Variants in MRPL42 observed in about 807,000 individuals in gnomAD.
MRPL42 encodes mitochondrial ribosomal protein L42, also known as large ribosomal subunit protein mL42.
Under a neutral mutation model 17.9 loss-of-function variants are expected in MRPL42, and 17 were observed. The ratio of observed to expected loss-of-function variants is 0.95; its 90% confidence interval spans 0.65 to 1.42. The LOEUF (loss-of-function observed/expected upper bound fraction) is 1.42. MRPL42 is among the 40% of genes most tolerant of loss of function. The pLI is 0.00. For missense variants in MRPL42, 177 were observed against 175.2 expected (o/e 1.01, Z -0.06); for synonymous variants, 59 against 54.4 (o/e 1.08, Z -0.37).
chr12:93,477,051 T>G, intron 3 of MRPL42, 34 bp downstream of exon 3: 1 of 1,398,086 alleles, frequency 7.2e-7, no homozygotes, highest in Non-Finnish European at 1.0e-6. Flanking sequence ...GAAATAATAG[T>G]CTTAGCTATA....
rs1479073131 is a variant in MRPL42, at chr12:93,503,973, TTTTTTA to T, written c.*2758_*2763del. On this transcript the variant is annotated 3_prime_UTR_variant, in exon 6 of 6. Coordinates refer to ENST00000549982, the MANE Select transcript of MRPL42 (RefSeq NM_014050.4). ...TCCTGGTGGATTATTACCATTTTCT[TTTTTTA>T]TTTTTTTTTTAAATTTATTTCTTCT... is the stretch of plus-strand genomic sequence containing the variant. 2 of 146,052 alleles carry T rather than the reference TTTTTTA, an allele frequency of 1.4e-5. No homozygotes were observed. The highest frequency in any genetic ancestry group is 3.0e-5 in the Non-Finnish European group (2 of 66,994). 9.0% of individuals were successfully genotyped at this position (146,052 alleles called of 1,614,324 possible). A position where few individuals can be genotyped will look rare whatever the true frequency, so the allele number is the denominator to read the frequency against.
intron 5 of MRPL42, among the ~76,000 whole-genome samples, chr12:93,495,045 C>T (rs1361667073): frequency 6.6e-6 from 1 of 152,082 alleles, no homozygotes; most frequent in East Asian, 1.9e-4. Context: ...AGGAGCCTGG[C>T]CTCTGTGATC....
Position 93,484,987 on chromosome 12 carries a change from T to C in MRPL42, c.220-2510T>C, listed in dbSNP as rs1410601267. On this transcript the variant is annotated intron_variant, in intron 4 of 5. Transcript: ENST00000549982. ...ACACACACACACACACACATATATA[T>C]ATATATATATATATATATATATATA... is the stretch of plus-strand genomic sequence containing the variant. 5.5e-3 allele frequency among the ~76,000 whole-genome samples: 82 copies of C among 14,804 alleles called. 2 individuals are homozygous for C. Among genetic ancestry groups the C allele is most frequent in the Middle Eastern group, 0.026 (1 of 38 alleles). The allele number at this position is 14,804 out of a possible 152,430, so 9.7% of individuals were successfully genotyped here. A position where few individuals can be genotyped will look rare whatever the true frequency, so the allele number is the denominator to read the frequency against.
At chr12:93,476,852 C>A in intron 2 of MRPL42, 102 bp from the exon 3 acceptor site, 1 of 1,089,710 alleles carries the variant, frequency 9.2e-7, no homozygotes. Context: ...CTGTTTCATA[C>A]TAAACAGTAA....
Position 93,476,812 on chromosome 12 carries a change from G to A in MRPL42, c.71-142G>A, listed in dbSNP as rs537106861. 11 of 709,244 alleles carry A rather than the reference G, an allele frequency of 1.6e-5. No individual in the cohort carries two copies. In the Admixed American group the frequency reaches 2.8e-4, roughly 18 times the overall value. 43.9% of individuals were successfully genotyped at this position (709,244 alleles called of 1,614,324 possible). A position where few individuals can be genotyped will look rare whatever the true frequency, so the allele number is the denominator to read the frequency against. On this transcript the variant is annotated intron_variant, in intron 2 of 5. Transcript: ENST00000549982. ...TGAGGGTAGGGACTGAGTCTTGTTTGTTGTTGAATCCCTAGCCCCTAGCAC... is the reference window on the plus strand; with the variant it reads ...TGAGGGTAGGGACTGAGTCTTGTTTATTGTTGAATCCCTAGCCCCTAGCAC...
At chr12:93,485,943 C>A (rs562110892) in intron 4 of MRPL42, among the ~76,000 whole-genome samples, 1 of 152,026 alleles carries the variant, frequency 6.6e-6, no homozygotes, top group African/African-American at 2.4e-5. Flanking sequence ...GTAGCTGGGA[C>A]TGCAGCCATG....
rs886994913 is a variant in MRPL42, at chr12:93,503,218, T to A, written c.*1997T>A. 5.9e-5 allele frequency: 9 copies of A among 152,206 alleles called. No homozygotes were observed. The highest frequency in any genetic ancestry group is 2.2e-4 in the African/African-American group (9 of 41,450). 9.4% of individuals were successfully genotyped at this position (152,206 alleles called of 1,614,324 possible). Reference sequence around the variant, plus strand: ...TTATTGGGAAACCACCAGAGGGCACTCTCACCCAGGGCTTAATTTGAACAT... The same window carrying A: ...TTATTGGGAAACCACCAGAGGGCACACTCACCCAGGGCTTAATTTGAACAT... On this transcript the variant is annotated 3_prime_UTR_variant, in exon 6 of 6. Transcript: ENST00000549982.
chr12:93,497,716 G>C (rs1477990421), intron 5 of MRPL42, among the ~76,000 whole-genome samples: 4 of 150,974 alleles, frequency 2.6e-5, no homozygotes, highest in African/African-American at 4.9e-5. Flanking sequence ...ATAGTACTGG[G>C]GAAGTCCTAG....
At chr12:93,500,586 G>A (rs540286491) in intron 5 of MRPL42, among the ~76,000 whole-genome samples, 43 of 152,068 alleles carry the variant, frequency 2.8e-4, no homozygotes, top group Non-Finnish European at 5.4e-4. Context: ...GAGGACAATA[G>A]CCCCTTGTAA....
chr12:93,494,240 T>G (rs920079632), intron 5 of MRPL42, among the ~76,000 whole-genome samples: 6 of 152,126 alleles, frequency 3.9e-5, no homozygotes, highest in South Asian at 2.1e-4. Context: ...TAACAGTAGG[T>G]TACTCTGGCT....
chr12:93,508,798 A>G lies in MRPL42; in HGVS notation c.*7577A>G, dbSNP rs1013330839. On this transcript the variant is annotated 3_prime_UTR_variant, in exon 6 of 6. Coordinates refer to ENST00000549982, the MANE Select transcript of MRPL42 (RefSeq NM_014050.4). ...ATAAGCCATCTCTACCTGAATTAGC[A>G]ATCATGGATAAGCTCAATAACTGAT... 8.5e-5 allele frequency: 13 copies of G among 152,220 alleles called. No individual in the cohort carries two copies. 9.4% of individuals were successfully genotyped at this position (152,220 alleles called of 1,614,324 possible). A position where few individuals can be genotyped will look rare whatever the true frequency, so the allele number is the denominator to read the frequency against.
At position 93,510,387 on chromosome 12, in the gene MRPL42, A is replaced by C. The variant is rs1241215747; in HGVS notation, c.*9166A>C. ...TTGCTTCCAAGTTTTGGCAATTATG[A>C]ATAAAATTGCTATAGATATCCATGT... On this transcript the variant is annotated 3_prime_UTR_variant, in exon 6 of 6. Transcript: ENST00000549982. The C allele has an allele frequency of 6.6e-6, 1 of 152,222 alleles. No homozygotes were observed. The highest frequency in any genetic ancestry group is 1.5e-5 in the Non-Finnish European group (1 of 68,048). 9.4% of individuals were successfully genotyped at this position (152,222 alleles called of 1,614,324 possible).
At chr12:93,500,949 A>G (rs989453202) in intron 5 of MRPL42, 13 of 403,756 alleles carry the variant, frequency 3.2e-5, no homozygotes, top group South Asian at 2.4e-4. Context: ...AGCCTGGGCA[A>G]TAAAGCAAGA....
chr12:93,508,861 C>T lies in MRPL42; in HGVS notation c.*7640C>T, dbSNP rs1953697462. 6.6e-6 allele frequency: 1 copy of T among 152,128 alleles called. No homozygotes were observed. The highest frequency in any genetic ancestry group is 2.4e-5 in the African/African-American group (1 of 41,424). The allele number at this position is 152,128 out of a possible 1,614,324, so 9.4% of individuals were successfully genotyped here. Reference sequence around the variant, plus strand: ...AGTTTAAACCATATATATTTTAACACTGTCTCTTTTTCACACACACTAGTT... The same window carrying T: ...AGTTTAAACCATATATATTTTAACATTGTCTCTTTTTCACACACACTAGTT... On this transcript the variant is annotated 3_prime_UTR_variant, in exon 6 of 6. Transcript: ENST00000549982.
intron 5 of MRPL42, among the ~76,000 whole-genome samples, chr12:93,495,742 G>A (rs1000438770): frequency 6.6e-6 from 1 of 152,136 alleles, no homozygotes; most frequent in Non-Finnish European, 1.5e-5. Flanking sequence ...AGGATCTGCT[G>A]ACCTTGATTA....
intron 5 of MRPL42, among the ~76,000 whole-genome samples, chr12:93,497,917 G>T (rs993697109): frequency 6.8e-6 from 1 of 146,912 alleles, no homozygotes; most frequent in East Asian, 2.0e-4. Flanking sequence ...CTGCTCTCAT[G>T]CCCTACTGTC....
rs1459205416 is a variant in MRPL42, at chr12:93,479,474, T to C, written c.219+2T>C. 2.5e-6 allele frequency: 4 copies of C among 1,596,558 alleles called. No individual in the cohort carries two copies. The highest frequency in any genetic ancestry group is 3.4e-6 in the Non-Finnish European group (4 of 1,168,268). The stretch of plus-strand genomic sequence containing the variant: ...GACATTCCATATGAACACACAAAAG[T>C]ATGTATGAGAAAATTTCTTGCAGTT... On this transcript the variant is annotated splice_donor_variant, in intron 4 of 5. Transcript: ENST00000549982. LOFTEE classifies it high-confidence loss of function.
In MRPL42 at chr12:93,479,377, C is replaced by G. The variant is rs191668241; in HGVS notation, c.135-11C>G. 837 of 1,545,358 alleles carry G rather than the reference C, an allele frequency of 5.4e-4. 4 individuals carry two copies. The African/African-American group carries it at 6.9e-3, about 13-fold the overall frequency. The stretch of plus-strand genomic sequence containing the variant: ...AGTATAACTTTATTTCTAAAACATT[C>G]TTTTTTTTAGCAACGTAGAGCTTGC... On this transcript the variant is annotated splice_polypyrimidine_tract_variant and intron_variant, in intron 3 of 5. Coordinates refer to ENST00000549982, the MANE Select transcript of MRPL42 (RefSeq NM_014050.4).
chr12:93,488,718 A>G (rs1302014480), intron 5 of MRPL42, among the ~76,000 whole-genome samples: 2 of 151,772 alleles, frequency 1.3e-5, no homozygotes, highest in Non-Finnish European at 2.9e-5. Context: ...AAATACTCAC[A>G]TTTTCCATCG....
Sources: allele counts gnomAD v4.1 joint callset (sites outside exome capture counted in the v4.1 genomes callset), GRCh38; gene constraint gnomAD v4.1.1; transcripts MANE v1.5; gene names NCBI Gene and HGNC (gene_info 2026-07-23, HGNC 2026-07-21).